RANBP10: variants seen among roughly 807,000 people sequenced by gnomAD.
RANBP10 encodes RAN binding protein 10, also known as ran-binding protein 10.
RANBP10 carries 24 observed loss-of-function variants against 72.8 expected under a neutral mutation model. That is an observed-to-expected ratio of 0.33 (90% confidence interval 0.24 to 0.46). RANBP10 has a LOEUF of 0.46. Among genes scored for constraint, RANBP10 ranks in the 20% least tolerant of loss-of-function variants. The probability of loss-of-function intolerance (pLI) is 1.00; values close to 1 mark genes in which losing one functional copy is unlikely to be tolerated. For missense variants in RANBP10, 679 were observed against 817.5 expected (o/e 0.83, Z 2.07); for synonymous variants, 310 against 322.3 (o/e 0.96, Z 0.41).
At chr16:67,739,423 A>C (rs1015079821) in intron 4 of RANBP10, among the ~76,000 whole-genome samples, 1 of 152,296 alleles carries the variant, frequency 6.6e-6, no homozygotes. Context: ...TCCTAGTCCA[A>C]TGCTTCAATG....
chr16:67,728,090 G>A (rs2053645115), intron 11 of RANBP10, among the ~76,000 whole-genome samples, 194 bp from the exon 12 acceptor site: 1 of 152,226 alleles, frequency 6.6e-6, no homozygotes, highest in Non-Finnish European at 1.5e-5. Context: ...AGGATTTAGG[G>A]AGGACTTGGA....
chr16:67,760,162 G>A (rs2054368645), intron 3 of RANBP10, among the ~76,000 whole-genome samples: 2 of 151,664 alleles, frequency 1.3e-5, no homozygotes, highest in African/African-American at 4.8e-5. Context: ...GACAGCAACC[G>A]CACAAAGCCA....
intron 2 of RANBP10, among the ~76,000 whole-genome samples, chr16:67,783,243 C>T (rs989818534): frequency 8.5e-5 from 13 of 152,152 alleles, no homozygotes; most frequent in African/African-American, 2.2e-4. Flanking sequence ...GTTTCTTCTG[C>T]GACCCAGGCA....
intron 4 of RANBP10, among the ~76,000 whole-genome samples, chr16:67,739,589 C>A (rs1346446917): frequency 1.3e-5 from 2 of 152,090 alleles, no homozygotes; most frequent in Admixed American, 6.6e-5. Context: ...AAGTTCAAGA[C>A]CAGCATGGGC....
intron 2 of RANBP10, among the ~76,000 whole-genome samples, chr16:67,779,652 G>C (rs1012895090): frequency 6.6e-6 from 1 of 152,096 alleles, no homozygotes; most frequent in African/African-American, 2.4e-5. Context: ...CCTTGCTAAC[G>C]TTGAGTAATT....
intron 3 of RANBP10, among the ~76,000 whole-genome samples, chr16:67,750,200 GGCACACCCCATCCA>G (rs1357050208): frequency 6.6e-6 from 1 of 152,120 alleles, no homozygotes; most frequent in Non-Finnish European, 1.5e-5. Flanking sequence ...TGGCCATGGG[GGCACACCCCATCCA>G]GCAAAGCCAC....
chr16:67,786,326 CT>C (rs1324926200), intron 2 of RANBP10, among the ~76,000 whole-genome samples: 1 of 150,936 alleles, frequency 6.6e-6, no homozygotes, highest in Non-Finnish European at 1.5e-5. Flanking sequence ...AAAAATCCAT[CT>C]GAAAAAAATA....
At chr16:67,782,204 G>T (rs954163898) in intron 2 of RANBP10, among the ~76,000 whole-genome samples, 2 of 152,114 alleles carry the variant, frequency 1.3e-5, no homozygotes, top group African/African-American at 2.4e-5. Flanking sequence ...GCAATGGTGA[G>T]ACCTTGCTCA....
intron 2 of RANBP10, among the ~76,000 whole-genome samples, chr16:67,779,981 C>T (rs936260034): frequency 3.9e-5 from 6 of 152,290 alleles, no homozygotes; most frequent in Admixed American, 3.3e-4. Context: ...CGCCAGTAAT[C>T]CCAGCACTTT....
At chr16:67,728,087 A>G (rs1374441037) in intron 11 of RANBP10, among the ~76,000 whole-genome samples, 191 bp from the exon 12 acceptor site, 1 of 152,188 alleles carries the variant, frequency 6.6e-6, no homozygotes, top group Non-Finnish European at 1.5e-5. Flanking sequence ...TCTAGGATTT[A>G]GGGAGGACTT....
At chr16:67,780,525 A>G (rs1490668304) in intron 2 of RANBP10, among the ~76,000 whole-genome samples, 1 of 152,176 alleles carries the variant, frequency 6.6e-6, no homozygotes, top group Non-Finnish European at 1.5e-5. Context: ...AGGCGGGAAG[A>G]TCATTGGAAG....
chr16:67,763,744 G>A (rs970381032), intron 3 of RANBP10, among the ~76,000 whole-genome samples: 12 of 152,164 alleles, frequency 7.9e-5, no homozygotes, highest in African/African-American at 2.7e-4. Context: ...GCCCAGGCTG[G>A]AGTGCAGTGG....
intron 3 of RANBP10, among the ~76,000 whole-genome samples, chr16:67,766,948 A>G (rs1197125348): frequency 6.6e-6 from 1 of 152,222 alleles, no homozygotes; most frequent in African/African-American, 2.4e-5. Flanking sequence ...GGAGATGATC[A>G]GATATGGCAG....
chr16:67,767,757 C>T (rs1246672263), intron 3 of RANBP10, among the ~76,000 whole-genome samples: 1 of 152,202 alleles, frequency 6.6e-6, no homozygotes, highest in South Asian at 2.1e-4. Flanking sequence ...CCACCGCGCC[C>T]GGCTAATTTT....
At chr16:67,746,611 A>T (rs551290296) in intron 3 of RANBP10, among the ~76,000 whole-genome samples, 27 of 152,318 alleles carry the variant, frequency 1.8e-4, no homozygotes, top group African/African-American at 6.3e-4. Flanking sequence ...TGATCATGCC[A>T]GTGTACTTCA....
At chr16:67,727,093 G>A (rs887711250) in intron 13 of RANBP10, among the ~76,000 whole-genome samples, 6 of 152,202 alleles carry the variant, frequency 3.9e-5, no homozygotes, top group African/African-American at 1.2e-4. Context: ...CCAGGAGTTC[G>A]AGACCAACCT....
At position 67,744,276 on chromosome 16, in the gene RANBP10, T is replaced by C. The variant is rs1467691282; in HGVS notation, c.568+12A>G. On this transcript the variant is annotated intron_variant, in intron 4 of 13. Transcript: ENST00000317506. ...CACAGAGCAGAGCCTCCAAGGTCCC[T>C]TATGCACACACCAAGGCTGTGGCCA... The C allele has an allele frequency of 3.1e-6, 5 of 1,612,680 alleles. No individual in the cohort carries two copies. Among genetic ancestry groups the C allele is most frequent in the Non-Finnish European group, 4.2e-6 (5 of 1,179,110 alleles).
rs1052484606 is a variant in RANBP10 at position 67,733,067 on chromosome 16, A to T, written c.777-1483T>A. On this transcript the variant is annotated intron_variant, in intron 6 of 13. Transcript: ENST00000317506. ...AGACTCCATCTCAAAAAAAAAAAAA[A>T]AAAAAAAAAATTATTGGCTGCGTGT... Among the ~76,000 whole-genome samples, 8 of 148,582 alleles carry T rather than the reference A, an allele frequency of 5.4e-5. No individual in the cohort carries two copies. In the East Asian group the frequency reaches 1.2e-3, roughly 22 times the overall value.
chr16:67,783,880 A>G lies in RANBP10; in HGVS notation c.348-11794T>C, dbSNP rs191620051. 1.0e-3 allele frequency among the ~76,000 whole-genome samples: 154 copies of G among 152,060 alleles called. 1 individual carries two copies. In the East Asian group the frequency reaches 0.025, roughly 25 times the overall value. On this transcript the variant is annotated intron_variant, in intron 2 of 13. Coordinates refer to ENST00000317506, the MANE Select transcript of RANBP10 (RefSeq NM_020850.3). ...AAGATGGTAAAACCCCATCTCTACT[A>G]AAAATACAAAAAAATTAGCCGGGCG...
Sources: allele counts gnomAD v4.1 joint callset (sites outside exome capture counted in the v4.1 genomes callset), GRCh38; gene constraint gnomAD v4.1.1; transcripts MANE v1.5; gene names NCBI Gene and HGNC (gene_info 2026-07-23, HGNC 2026-07-21).